Variants in MYT1L observed in about 807,000 individuals in gnomAD.
MYT1L encodes the protein myelin transcription factor 1 like, also known as myelin transcription factor 1-like protein.
Under a neutral mutation model 126.7 loss-of-function variants are expected in MYT1L, and 12 were observed. The observed-to-expected ratio is 0.09, with a 90% CI of 0.06 to 0.15. The LOEUF (loss-of-function observed/expected upper bound fraction) is 0.15, where lower values mean the gene tolerates loss of function less well. MYT1L is among the 10% of genes least tolerant of loss of function. The probability of loss-of-function intolerance (pLI) is 1.00; values close to 1 mark genes in which losing one functional copy is unlikely to be tolerated. For missense variants in MYT1L, 979 were observed against 1,585.2 expected, an observed-to-expected ratio of 0.62 and a Z score of 6.49; for synonymous variants, 541 against 604.2, an observed-to-expected ratio of 0.90 and a Z score of 1.53.
At chr2:1,799,445 T>C (rs2034422677) in intron 23 of MYT1L, among the ~76,000 whole-genome samples, 1 of 152,174 alleles carries the variant, frequency 6.6e-6, no homozygotes, top group Admixed American at 6.5e-5. Flanking sequence ...GCCCCAGTAC[T>C]TCATCCACAG....
chr2:2,163,046 G>A (rs1218562170), intron 3 of MYT1L, among the ~76,000 whole-genome samples: 1 of 152,188 alleles, frequency 6.6e-6, no homozygotes, highest in Admixed American at 6.5e-5. Flanking sequence ...AGAGCTCCAG[G>A]TAGAATGTAG....
chr2:2,274,512 G>A (rs548549049), intron 2 of MYT1L, among the ~76,000 whole-genome samples: 1 of 152,262 alleles, frequency 6.6e-6, no homozygotes, highest in South Asian at 2.1e-4. Flanking sequence ...CTCATAATAT[G>A]TGAAGACTCT....
intron 2 of MYT1L, among the ~76,000 whole-genome samples, chr2:2,185,135 C>T (rs1315033073): frequency 6.6e-6 from 1 of 152,194 alleles, no homozygotes; most frequent in Non-Finnish European, 1.5e-5. Flanking sequence ...CAATAACTCT[C>T]TGTTCTGCAC....
chr2:2,217,716 A>G (rs1013633923), intron 2 of MYT1L, among the ~76,000 whole-genome samples: 6 of 144,568 alleles, frequency 4.2e-5, no homozygotes, highest in Non-Finnish European at 6.1e-5. Flanking sequence ...CAAAAAAAAA[A>G]AAAGAAAGAA....
intron 2 of MYT1L, among the ~76,000 whole-genome samples, chr2:2,207,148 C>T (rs2093351009): frequency 6.6e-6 from 1 of 152,128 alleles, no homozygotes; most frequent in Non-Finnish European, 1.5e-5. Context: ...TCACAAGAAC[C>T]CAACCTTCTC....
rs568325438 is a variant in MYT1L at position 2,171,468 on chromosome 2, CCTTAA to C, written c.-304+1399_-304+1403del. Reference sequence around the variant, plus strand: ...CCTTATAAAATATTTCACTAAACGTCCTTAACTTATTACTAAAATTCAATGAGATG... The same window carrying C: ...CCTTATAAAATATTTCACTAAACGTCCTTATTACTAAAATTCAATGAGATG... On this transcript the variant is annotated intron_variant, in intron 3 of 24. Transcript: ENST00000647738. 5.3e-5 allele frequency among the ~76,000 whole-genome samples: 8 copies of C among 152,274 alleles called. No individual in the cohort carries two copies. In the East Asian group the frequency reaches 5.8e-4, roughly 11 times the overall value.
intron 14 of MYT1L, among the ~76,000 whole-genome samples, chr2:1,896,179 C>T (rs746767848): frequency 3.9e-5 from 6 of 151,982 alleles, no homozygotes; most frequent in Non-Finnish European, 8.8e-5. Context: ...ATTAAAAAGC[C>T]AAAAACAGCA....
intron 21 of MYT1L, among the ~76,000 whole-genome samples, chr2:1,836,116 T>C (rs1472773234): frequency 6.6e-6 from 1 of 152,054 alleles, no homozygotes; most frequent in Non-Finnish European, 1.5e-5. Flanking sequence ...CATACAGCTT[T>C]CCAGAGAAGG....
intron 3 of MYT1L, among the ~76,000 whole-genome samples, chr2:2,066,580 T>C (rs907746355): frequency 6.6e-6 from 1 of 152,176 alleles, no homozygotes; most frequent in Non-Finnish European, 1.5e-5. Flanking sequence ...GCAAGACCAA[T>C]TCCAGGAGAG....
At chr2:1,891,574 G>A (rs1485114692) in intron 15 of MYT1L, among the ~76,000 whole-genome samples, 1 of 152,222 alleles carries the variant, frequency 6.6e-6, no homozygotes, top group Non-Finnish European at 1.5e-5. Context: ...TTGGTGTGAA[G>A]TCTGATTTTT....
chr2:2,278,947 C>T (rs1477187927), intron 2 of MYT1L, among the ~76,000 whole-genome samples: 3 of 152,246 alleles, frequency 2.0e-5, no homozygotes, highest in East Asian at 1.9e-4. Context: ...TTCTTAACCA[C>T]GCTTTCCCTT....
At chr2:1,961,775 C>T (rs1558552448) in intron 8 of MYT1L, among the ~76,000 whole-genome samples, 1 of 152,204 alleles carries the variant, frequency 6.6e-6, no homozygotes, top group Non-Finnish European at 1.5e-5. Context: ...ATGAAGTGAA[C>T]ACTGCAATCA....
chr2:2,152,017 C>T (rs1278906613), intron 3 of MYT1L, among the ~76,000 whole-genome samples: 2 of 152,198 alleles, frequency 1.3e-5, no homozygotes, highest in Non-Finnish European at 2.9e-5. Context: ...GATCGCGCCA[C>T]CACACTCCAG....
intron 3 of MYT1L, among the ~76,000 whole-genome samples, chr2:2,122,153 G>A (rs999512885): frequency 2.6e-5 from 4 of 152,230 alleles, no homozygotes; most frequent in African/African-American, 9.6e-5. Flanking sequence ...GCAGTCAACT[G>A]CCTGTATCTC....
chr2:2,099,174 A>G (rs570204516), intron 3 of MYT1L, among the ~76,000 whole-genome samples: 1 of 152,208 alleles, frequency 6.6e-6, no homozygotes, highest in East Asian at 1.9e-4. Flanking sequence ...TTTGGCTGAG[A>G]TGATCAGTCC....
At chr2:1,872,451 G>A (rs2046390201) in intron 18 of MYT1L, among the ~76,000 whole-genome samples, 15 of 152,220 alleles carry the variant, frequency 9.9e-5, no homozygotes, top group Admixed American at 9.8e-4. Flanking sequence ...GACTAGATCA[G>A]CCATGGGCTT....
At chr2:2,174,970 G>A (rs142470277) in intron 2 of MYT1L, among the ~76,000 whole-genome samples, 1 of 152,212 alleles carries the variant, frequency 6.6e-6, no homozygotes, top group East Asian at 1.9e-4. Context: ...CACCTGATAT[G>A]AATCCCCAGG....
intron 19 of MYT1L, among the ~76,000 whole-genome samples, chr2:1,851,253 A>G (rs1281555315): frequency 6.6e-6 from 1 of 152,182 alleles, no homozygotes; most frequent in Non-Finnish European, 1.5e-5. Flanking sequence ...TCCAATCTTA[A>G]TATTTAAGAG....
At chr2:2,127,116 C>A (rs1369402219) in intron 3 of MYT1L, among the ~76,000 whole-genome samples, 6 of 152,172 alleles carry the variant, frequency 3.9e-5, no homozygotes, top group Non-Finnish European at 7.3e-5. Context: ...AGTTCAGGGG[C>A]ATATGTGCAG....
Sources: gnomAD v4.1 joint callset for allele counts (sites outside exome capture counted in the v4.1 genomes callset) on GRCh38, gnomAD v4.1.1 for gene constraint, MANE v1.5 for transcripts, NCBI Gene and HGNC (gene_info 2026-07-23, HGNC 2026-07-21) for gene names.